Variants in PAN3 observed in about 807,000 individuals in gnomAD.
PAN3 encodes PAN2-PAN3 deadenylation complex subunit PAN3.
In PAN3, 19 loss-of-function variants were observed where a neutral mutation model predicts 96.2. The ratio of observed to expected loss-of-function variants is 0.20; its 90% CI spans 0.14 to 0.29. The LOEUF (loss-of-function observed/expected upper bound fraction) is 0.29. Ranked by LOEUF, PAN3 falls within the 10% of genes least tolerant of loss-of-function variation. The pLI is 1.00. For synonymous variants in PAN3, 433 were observed against 406.6 expected, an observed-to-expected ratio of 1.06 and a Z score of -0.78; for missense variants, 882 against 1,108.1, an observed-to-expected ratio of 0.80 and a Z score of 2.90.
chr13:28,247,930 G>A (rs1279205768), intron 6 of PAN3, among the ~76,000 whole-genome samples: 13 of 152,080 alleles, frequency 8.5e-5, no homozygotes, highest in East Asian at 7.7e-4. Flanking sequence ...TATGAATTTT[G>A]TATTGTTTTT....
chr13:28,243,395 G>C (rs9579171), intron 6 of PAN3, among the ~76,000 whole-genome samples: 14,179 of 152,044 alleles, frequency 0.093, 804 homozygotes, highest in African/African-American at 0.17. Context: ...AAAAACATAA[G>C]CAAAACAAAA....
At chr13:28,243,188 C>T (rs1365864175) in intron 6 of PAN3, among the ~76,000 whole-genome samples, 1 of 152,016 alleles carries the variant, frequency 6.6e-6, no homozygotes, top group African/African-American at 2.4e-5. Flanking sequence ...ATATTTTTGT[C>T]TTGTTACTGA....
rs1188796881 is a variant in PAN3 at position 28,293,920 on chromosome 13, C to T, written c.*1398C>T. On this transcript the variant is annotated 3_prime_UTR_variant, in exon 19 of 19. Coordinates refer to ENST00000380958, the MANE Select transcript of PAN3 (RefSeq NM_175854.8). The stretch of plus-strand genomic sequence containing the variant: ...CATGCAACTGAAGAAAATGTGGAAA[C>T]TCAAAAGGTCAGGACAGACTTCCAA... 1.3e-5 allele frequency: 2 copies of T among 152,668 alleles called. No homozygotes were observed. Among genetic ancestry groups the T allele is most frequent in the African/African-American group, 4.8e-5 (2 of 41,468 alleles). 9.5% of individuals were successfully genotyped at this position (152,668 alleles called of 1,614,324 possible).
Position 28,138,783 on chromosome 13 carries a change from A to T in PAN3, c.126A>T (p.Val42=). ...GVGGVPGGAA[V]GVKLKYCRYY... ...GGGGTGTCCCCGGCGGGGCGGCGGT[A>T]GGAGTGAAGCTGAAGTACTGCCGCT... Residue 42 remains valine (V), a synonymous_variant, in exon 1 of 19, where the codon GTA becomes GTT. Coordinates refer to ENST00000380958, the MANE Select transcript of PAN3 (RefSeq NM_175854.8). 1 of 1,358,918 alleles carries T rather than the reference A, an allele frequency of 7.4e-7. No individual in the cohort carries two copies. Among genetic ancestry groups the T allele is most frequent in the Non-Finnish European group, 9.4e-7 (1 of 1,058,604 alleles). 84.2% of individuals were successfully genotyped at this position (1,358,918 alleles called of 1,614,324 possible). A position where few individuals can be genotyped will look rare whatever the true frequency, so the allele number is the denominator to read the frequency against.
In PAN3 at chr13:28,277,341, A is replaced by G. The variant is rs1887143792; in HGVS notation, c.2154A>G (p.Thr718=). 6.2e-7 allele frequency: 1 copy of G among 1,613,170 alleles called. No individual in the cohort carries two copies. Among genetic ancestry groups the G allele is most frequent in the Admixed American group, 1.7e-5 (1 of 59,828 alleles). The change falls in exon 15 of 19, where the codon ACA becomes ACG. Residue 718 remains threonine, a synonymous_variant. Transcript: ENST00000380958. ...TACAGAAAGCCATGGAACTGGTGAC[A>G]ATCAACTATTCCTCTGACCTGAAGA... The part of the protein sequence containing the change: ...ENLQKAMELV[T]INYSSDLKNL...
intron 8 of PAN3, among the ~76,000 whole-genome samples, chr13:28,261,024 C>CA (rs1336055782): frequency 1.3e-5 from 2 of 152,126 alleles, no homozygotes; most frequent in Non-Finnish European, 2.9e-5. Flanking sequence ...ACTTTACACT[C>CA]AGATTCTCAG....
At chr13:28,262,629 T>A (rs1434718468) in intron 9 of PAN3, among the ~76,000 whole-genome samples, 2 of 151,796 alleles carry the variant, frequency 1.3e-5, no homozygotes, top group African/African-American at 4.8e-5. Flanking sequence ...GAAAAAAAAA[T>A]GGAAGGCACA....
rs5802469 is a variant in PAN3 at position 28,261,390 on chromosome 13, T to TC, written c.1354-11_1354-10insC. On this transcript the variant is annotated splice_polypyrimidine_tract_variant and intron_variant, in intron 8 of 18. Transcript: ENST00000380958. ...GTGTTTAAATAAAAATATACTTATTTTGTTTCATAGGAGCTGATCAACAGA... is the reference window on the plus strand; with the variant it reads ...GTGTTTAAATAAAAATATACTTATTTCTGTTTCATAGGAGCTGATCAACAGA... 1,567,752 of 1,568,464 alleles carry TC rather than the reference T, an allele frequency of 1. 783,525 individuals carry two copies. Among genetic ancestry groups the TC allele is most frequent in the Non-Finnish European group, 1 (1,149,404 of 1,149,416 alleles).
At chr13:28,289,370 C>T (rs1194558748) in intron 18 of PAN3, among the ~76,000 whole-genome samples, 9 of 152,118 alleles carry the variant, frequency 5.9e-5, no homozygotes, top group Admixed American at 5.9e-4. Context: ...CTCCCCAGGG[C>T]TGCAGTGGTC....
chr13:28,159,752 C>T (rs1436004211), intron 1 of PAN3, among the ~76,000 whole-genome samples: 1 of 151,722 alleles, frequency 6.6e-6, no homozygotes, highest in African/African-American at 2.4e-5. Context: ...CTGGCCAATA[C>T]TGGAGACTTA....
chr13:28,283,285 G>A (rs1868526837), intron 17 of PAN3, among the ~76,000 whole-genome samples: 1 of 152,154 alleles, frequency 6.6e-6, no homozygotes, highest in African/African-American at 2.4e-5. Flanking sequence ...CTGACCTCAG[G>A]TGATCCACCT....
rs866672417 is a variant in PAN3, at chr13:28,294,182, G to A, written c.*1660G>A. 4 of 152,556 alleles carry A rather than the reference G, an allele frequency of 2.6e-5. No individual in the cohort carries two copies. The highest frequency in any genetic ancestry group is 5.9e-5 in the Non-Finnish European group (4 of 68,030). 9.5% of individuals were successfully genotyped at this position (152,556 alleles called of 1,614,324 possible). On this transcript the variant is annotated 3_prime_UTR_variant, in exon 19 of 19. Transcript: ENST00000380958. ...TCCACGTTTGGTAGCATCAGTTGTT[G>A]AGTTAAAAAGAAAATTATTGCATTT...
chr13:28,138,875 C>A lies in PAN3; in HGVS notation c.218C>A (p.Ala73Asp). The A allele has an allele frequency of 7.0e-7, 1 of 1,419,180 alleles. No homozygotes were observed. Among genetic ancestry groups the A allele is most frequent in the East Asian group, 2.9e-5 (1 of 34,894 alleles). The allele number at this position is 1,419,180 out of a possible 1,614,324, so 87.9% of individuals were successfully genotyped here. A position where few individuals can be genotyped will look rare whatever the true frequency, so the allele number is the denominator to read the frequency against. ...CAGTTCCTGCATGAGGACCCTGCCGCCGGGGCTGCCCCGGGCCTCGGCCTC... is the reference window on the plus strand; with the variant it reads ...CAGTTCCTGCATGAGGACCCTGCCGACGGGGCTGCCCCGGGCCTCGGCCTC... Reference protein sequence around the residue: ...ECQFLHEDPAAGAAPGLGLHS... With the variant: ...ECQFLHEDPADGAAPGLGLHS... Residue 73 changes from alanine to aspartate, a missense_variant, in exon 1 of 19, where the codon GCC (alanine) becomes GAC (aspartate). This residue lies in a region of PAN3 where 442 missense variants were observed against 422.8 expected (regional missense o/e 1.05). Coordinates refer to ENST00000380958, the MANE Select transcript of PAN3 (RefSeq NM_175854.8).
intron 4 of PAN3, among the ~76,000 whole-genome samples, chr13:28,195,181 T>C (rs1010097450): frequency 1.3e-5 from 2 of 152,118 alleles, no homozygotes; most frequent in Non-Finnish European, 2.9e-5. Flanking sequence ...AGGTGGTGGA[T>C]GGCTTGAGTC....
chr13:28,156,814 G>C (rs1008772936), intron 1 of PAN3, among the ~76,000 whole-genome samples: 25 of 151,984 alleles, frequency 1.6e-4, no homozygotes, highest in Non-Finnish European at 3.1e-4. Context: ...GTAACATGGT[G>C]AGTACCTATG....
chr13:28,176,403 G>A, intron 2 of PAN3, 90 bp from the exon 3 acceptor site: 15 of 1,150,434 alleles, frequency 1.3e-5, no homozygotes, highest in Non-Finnish European at 1.9e-5. Flanking sequence ...GATTGGAGGG[G>A]AAGAAGCAAA....
At chr13:28,244,202 CTT>C (rs1883959756) in intron 6 of PAN3, among the ~76,000 whole-genome samples, 1 of 152,018 alleles carries the variant, frequency 6.6e-6, no homozygotes, top group African/African-American at 2.4e-5. Flanking sequence ...TTGCAGGTAT[CTT>C]TTTTTGTTCT....
At chr13:28,141,154 GC>G (rs1377487635) in intron 1 of PAN3, among the ~76,000 whole-genome samples, 2 of 151,584 alleles carry the variant, frequency 1.3e-5, no homozygotes, top group Non-Finnish European at 2.9e-5. Context: ...ACAGGCATGC[GC>G]CACCACGACC....
At chr13:28,223,409 C>T (rs1249142503) in intron 6 of PAN3, among the ~76,000 whole-genome samples, 1 of 152,108 alleles carries the variant, frequency 6.6e-6, no homozygotes, top group East Asian at 1.9e-4. Context: ...TTTAATGATA[C>T]TAAAGATATG....
Sources: allele counts gnomAD v4.1 joint callset (sites outside exome capture counted in the v4.1 genomes callset), GRCh38; gene constraint gnomAD v4.1.1; regional missense constraint gnomAD v4.1.1; transcripts MANE v1.5; gene names NCBI Gene and HGNC (gene_info 2026-07-23, HGNC 2026-07-21).